MDGA2: variants seen among roughly 807,000 people sequenced by gnomAD.
MDGA2 encodes MAM domain-containing glycosylphosphatidylinositol anchor protein 2.
In MDGA2, 40 loss-of-function variants were observed where a neutral mutation model predicts 117.8. That is an observed-to-expected ratio of 0.34 (90% CI 0.26 to 0.44). The LOEUF (loss-of-function observed/expected upper bound fraction) is 0.44. Ranked by LOEUF, MDGA2 falls within the 20% of genes least tolerant of loss-of-function variation. The probability of loss-of-function intolerance (pLI) is 1.00; values close to 1 mark genes in which losing one functional copy is unlikely to be tolerated. For missense variants in MDGA2, 1,123 were observed against 1,250.6 expected (o/e 0.90, Z 1.54); for synonymous variants, 452 against 439.0 (o/e 1.03, Z -0.37).
chr14:46,867,192 C>T (rs1378750605), intron 14 of MDGA2, among the ~76,000 whole-genome samples: 2 of 152,140 alleles, frequency 1.3e-5, no homozygotes, highest in African/African-American at 4.8e-5. Context: ...CACACATACA[C>T]CATGGAATAC....
Position 47,602,352 on chromosome 14 carries a change from T to C in MDGA2, c.280+72165A>G, listed in dbSNP as rs541892236. Among the ~76,000 whole-genome samples, 11 of 152,208 alleles carry C rather than the reference T, an allele frequency of 7.2e-5. No individual in the cohort carries two copies. The South Asian group carries it at 2.3e-3, about 32-fold the overall frequency. On this transcript the variant is annotated intron_variant, in intron 1 of 16. Coordinates refer to ENST00000399232, the MANE Select transcript of MDGA2 (RefSeq NM_001113498.3). Reference sequence around the variant, plus strand: ...ATTAATGCCTGCTTCCAGATCATGGTGAGCCAAGAGAAATGAACAGCATTA... The same window carrying C: ...ATTAATGCCTGCTTCCAGATCATGGCGAGCCAAGAGAAATGAACAGCATTA...
intron 3 of MDGA2, among the ~76,000 whole-genome samples, chr14:47,189,125 T>C (rs1473146857): frequency 1.3e-5 from 2 of 152,162 alleles, no homozygotes; most frequent in Non-Finnish European, 2.9e-5. Context: ...TCTGGTATCC[T>C]GAGATTGCAA....
chr14:46,972,491 A>G (rs1378240612), intron 8 of MDGA2, among the ~76,000 whole-genome samples: 1 of 152,190 alleles, frequency 6.6e-6, no homozygotes, highest in Non-Finnish European at 1.5e-5. Flanking sequence ...CACATTTCAT[A>G]TACTTATTAC....
rs145006745 is a variant in MDGA2, at chr14:47,536,602, T to C, written c.280+137915A>G. ...AAGAATAAGTACCAGAATATATTTATACCGTTGTAAGAAATAATTGGGAGT... is the reference window on the plus strand; with the variant it reads ...AAGAATAAGTACCAGAATATATTTACACCGTTGTAAGAAATAATTGGGAGT... On this transcript the variant is annotated intron_variant, in intron 1 of 16. Transcript: ENST00000399232. Among the ~76,000 whole-genome samples the C allele has an allele frequency of 7.9e-3, 1,199 of 152,320 alleles. 21 individuals carry two copies. Among genetic ancestry groups the C allele is most frequent in the African/African-American group, 0.028 (1,158 of 41,572 alleles).
At chr14:47,557,712 C>T (rs954415654) in intron 1 of MDGA2, among the ~76,000 whole-genome samples, 6 of 152,160 alleles carry the variant, frequency 3.9e-5, no homozygotes, top group Non-Finnish European at 5.9e-5. Flanking sequence ...TCATGTTCTA[C>T]GTCAGGCACT....
chr14:47,499,458 C>G (rs1479877060), intron 1 of MDGA2, among the ~76,000 whole-genome samples: 1 of 152,170 alleles, frequency 6.6e-6, no homozygotes, highest in Non-Finnish European at 1.5e-5. Flanking sequence ...TAATGCCCTT[C>G]TACCAATAGT....
At chr14:47,031,816 C>T (rs1170496108) in intron 8 of MDGA2, among the ~76,000 whole-genome samples, 2 of 152,090 alleles carry the variant, frequency 1.3e-5, no homozygotes, top group Admixed American at 1.3e-4. Flanking sequence ...CCCTCTTGCC[C>T]CTGCTCTGGC....
chr14:47,307,796 G>A (rs1198187831), intron 1 of MDGA2, among the ~76,000 whole-genome samples: 1 of 152,100 alleles, frequency 6.6e-6, no homozygotes, highest in East Asian at 1.9e-4. Context: ...GTTGTTGCTG[G>A]ACATTAAGTT....
chr14:47,273,778 G>A (rs145628176), intron 2 of MDGA2, among the ~76,000 whole-genome samples: 58 of 152,244 alleles, frequency 3.8e-4, no homozygotes, highest in African/African-American at 1.3e-3. Flanking sequence ...ATAATATAGT[G>A]AAGTTCAGTT....
intron 8 of MDGA2, among the ~76,000 whole-genome samples, chr14:47,032,148 G>C (rs1888685464): frequency 6.6e-6 from 1 of 151,930 alleles, no homozygotes; most frequent in Non-Finnish European, 1.5e-5. Context: ...TAATTGCTAA[G>C]GATGATACAA....
intron 5 of MDGA2, among the ~76,000 whole-genome samples, chr14:47,108,373 C>T (rs1880844378): frequency 6.6e-6 from 1 of 152,320 alleles, no homozygotes; most frequent in African/African-American, 2.4e-5. Flanking sequence ...CACGTATACG[C>T]CCAGATGGCC....
intron 8 of MDGA2, among the ~76,000 whole-genome samples, chr14:46,971,504 A>C (rs1330231899): frequency 1.3e-5 from 2 of 152,122 alleles, no homozygotes; most frequent in Non-Finnish European, 2.9e-5. Flanking sequence ...GAGATTAAAA[A>C]ATTAGATCTT....
At chr14:47,207,264 G>T (rs1389163809) in intron 3 of MDGA2, among the ~76,000 whole-genome samples, 1 of 151,910 alleles carries the variant, frequency 6.6e-6, no homozygotes, top group Non-Finnish European at 1.5e-5. Context: ...TGCTTTAGGA[G>T]GATGAGGAAT....
chr14:46,981,407 GAAA>G (rs377288941), intron 8 of MDGA2, among the ~76,000 whole-genome samples: 1 of 145,488 alleles, frequency 6.9e-6, no homozygotes, highest in Non-Finnish European at 1.5e-5. Context: ...CCATCTCCAA[GAAA>G]AAAAAAAGTC....
chr14:47,433,095 A>G (rs1285091295), intron 1 of MDGA2, among the ~76,000 whole-genome samples: 2 of 152,114 alleles, frequency 1.3e-5, no homozygotes, highest in African/African-American at 2.4e-5. Flanking sequence ...TAAAAGAGAA[A>G]GGGCAGGGTA....
At chr14:47,260,977 T>C (rs1394649059) in intron 2 of MDGA2, among the ~76,000 whole-genome samples, 1 of 152,050 alleles carries the variant, frequency 6.6e-6, no homozygotes. Flanking sequence ...TTAAAGTGGT[T>C]AGCATTCTAG....
chr14:47,049,630 G>C (rs1173343583), intron 7 of MDGA2, among the ~76,000 whole-genome samples: 1 of 151,912 alleles, frequency 6.6e-6, no homozygotes, highest in East Asian at 1.9e-4. Flanking sequence ...CTCTGGGGTA[G>C]GAATGATCCT....
At chr14:47,422,754 G>T (rs532229242) in intron 1 of MDGA2, among the ~76,000 whole-genome samples, 88 of 152,156 alleles carry the variant, frequency 5.8e-4, no homozygotes, top group Non-Finnish European at 1.1e-3. Context: ...GAATATGTTT[G>T]TTCCTTTTTT....
intron 3 of MDGA2, among the ~76,000 whole-genome samples, chr14:47,196,554 T>C (rs1403953593): frequency 1.3e-5 from 2 of 152,216 alleles, no homozygotes; most frequent in Non-Finnish European, 2.9e-5. Flanking sequence ...AATAGTGGCA[T>C]AACCCTAAAA....
Sources: allele counts gnomAD v4.1 joint callset (sites outside exome capture counted in the v4.1 genomes callset), GRCh38; gene constraint gnomAD v4.1.1; transcripts MANE v1.5; gene names NCBI Gene and HGNC (gene_info 2026-07-23, HGNC 2026-07-21).